Variants in NEK1 observed in about 807,000 individuals in gnomAD.
NEK1 encodes the protein NIMA related kinase 1.
In NEK1, 137 loss-of-function variants were observed where a neutral mutation model predicts 182.1. The ratio of observed to expected loss-of-function variants is 0.75; its 90% CI spans 0.65 to 0.87. The LOEUF is 0.87. Ranked by LOEUF, NEK1 falls within the 40% of genes least tolerant of loss-of-function variation. The pLI is 0.00. For synonymous variants in NEK1, 513 were observed against 492.2 expected (o/e 1.04, Z -0.56); for missense variants, 1,391 against 1,494.4 (o/e 0.93, Z 1.14).
At chr4:169,414,172 C>T (rs1448982559) in intron 31 of NEK1, among the ~76,000 whole-genome samples, 2 of 151,802 alleles carry the variant, frequency 1.3e-5, no homozygotes, top group African/African-American at 2.4e-5. Flanking sequence ...TAGCTACTTC[C>T]CAAGACAAAA....
intron 7 of NEK1, 80 bp downstream of exon 7, chr4:169,589,367 A>G (rs1232086361): frequency 1.2e-6 from 1 of 824,136 alleles, no homozygotes; most frequent in Non-Finnish European, 2.0e-6. Context: ...AAGATACCAT[A>G]AATTATCACA....
At chr4:169,561,601 T>C (rs774953322) in intron 15 of NEK1, 47 bp from the exon 16 acceptor site, 55 of 1,599,748 alleles carry the variant, frequency 3.4e-5, no homozygotes, top group Non-Finnish European at 4.5e-5. Context: ...GTATTTAATA[T>C]AAAATACACG....
At chr4:169,541,274 C>T (rs550552090) in intron 18 of NEK1, among the ~76,000 whole-genome samples, 1 of 152,048 alleles carries the variant, frequency 6.6e-6, no homozygotes, top group African/African-American at 2.4e-5. Context: ...GCAATACAGA[C>T]AGAAGGACTT....
chr4:169,433,818 T>C (rs1013381212), intron 28 of NEK1, among the ~76,000 whole-genome samples, 153 bp from the exon 29 acceptor site: 5 of 152,256 alleles, frequency 3.3e-5, no homozygotes, highest in Non-Finnish European at 7.3e-5. Context: ...GGTTTAACTC[T>C]TATTGTGAAG....
intron 18 of NEK1, among the ~76,000 whole-genome samples, chr4:169,538,768 T>G (rs749883294): frequency 1.4e-4 from 22 of 152,104 alleles, no homozygotes; most frequent in Admixed American, 1.3e-4. Context: ...AAACTTCCTA[T>G]AAAGACTTTC....
At chr4:169,600,747 A>C (rs1023509170) in intron 4 of NEK1, among the ~76,000 whole-genome samples, 1 of 152,198 alleles carries the variant, frequency 6.6e-6, no homozygotes, top group Admixed American at 6.5e-5. Context: ...AGATGTTATA[A>C]TGTATGTAGC....
At chr4:169,575,111 G>A (rs1367818796) in intron 12 of NEK1, among the ~76,000 whole-genome samples, 3 of 152,182 alleles carry the variant, frequency 2.0e-5, no homozygotes, top group African/African-American at 7.2e-5. Flanking sequence ...TCTAGGCAGT[G>A]AGGGAAAGCT....
chr4:169,510,782 G>A (rs547104539), intron 19 of NEK1, among the ~76,000 whole-genome samples: 22 of 152,132 alleles, frequency 1.4e-4, no homozygotes, highest in African/African-American at 3.6e-4. Flanking sequence ...TTCTGGCTAC[G>A]ACAACTACTT....
At chr4:169,569,689 T>C (rs895837908) in intron 12 of NEK1, among the ~76,000 whole-genome samples, 2 of 152,136 alleles carry the variant, frequency 1.3e-5, no homozygotes, top group Non-Finnish European at 2.9e-5. Flanking sequence ...AGACGGGGTT[T>C]CGCTGTGTTG....
At chr4:169,608,596 C>A (rs1771783560) in intron 2 of NEK1, among the ~76,000 whole-genome samples, 1 of 152,072 alleles carries the variant, frequency 6.6e-6, no homozygotes, top group Non-Finnish European at 1.5e-5. Context: ...TTAGCTATTA[C>A]AACGATCTCA....
intron 2 of NEK1, among the ~76,000 whole-genome samples, chr4:169,610,017 T>C (rs1394541471): frequency 1.1e-5 from 1 of 94,386 alleles, no homozygotes; most frequent in Non-Finnish European, 2.0e-5. Context: ...TAAGAATTTC[T>C]TTTTTTTTTT....
chr4:169,411,307 T>G (rs1733637532), intron 31 of NEK1, among the ~76,000 whole-genome samples: 1 of 151,274 alleles, frequency 6.6e-6, no homozygotes, highest in East Asian at 1.9e-4. Context: ...TTTTTTAGTC[T>G]CAGTGGTCAT....
At chr4:169,459,585 T>C (rs910255949) in intron 27 of NEK1, among the ~76,000 whole-genome samples, 3 of 152,226 alleles carry the variant, frequency 2.0e-5, no homozygotes, top group Admixed American at 1.3e-4. Flanking sequence ...TAGATGTTTA[T>C]ATCATCTTTA....
At chr4:169,481,388 ACCAT>A (rs1747973527) in intron 23 of NEK1, among the ~76,000 whole-genome samples, 1 of 152,256 alleles carries the variant, frequency 6.6e-6, no homozygotes, top group South Asian at 2.1e-4. Context: ...CATTAGAGGA[ACCAT>A]TATCTATGGC....
rs531711195 is a variant in NEK1 at position 169,400,515 on chromosome 4, A to C, written c.3714+6T>G. On this transcript the variant is annotated splice_donor_region_variant and intron_variant, in intron 34 of 35. Coordinates refer to ENST00000507142, the MANE Select transcript of NEK1 (RefSeq NM_001199397.3). Reference sequence around the variant, plus strand: ...TTTTAAGTGTTTTAATTGACTTTTCACTTACCTTTATTTTCTCATAAACCT... The same window carrying C: ...TTTTAAGTGTTTTAATTGACTTTTCCCTTACCTTTATTTTCTCATAAACCT... The C allele has an allele frequency of 5.6e-6, 9 of 1,594,900 alleles. No homozygotes were observed. In the East Asian group the frequency reaches 2.0e-4, roughly 36 times the overall value.
chr4:169,552,349 A>G (rs1257408720), intron 18 of NEK1, among the ~76,000 whole-genome samples: 1 of 151,766 alleles, frequency 6.6e-6, no homozygotes, highest in African/African-American at 2.4e-5. Flanking sequence ...TCACATGATC[A>G]TATCTATACA....
chr4:169,550,183 C>T (rs747509177), intron 18 of NEK1, among the ~76,000 whole-genome samples: 3 of 152,046 alleles, frequency 2.0e-5, no homozygotes, highest in African/African-American at 4.8e-5. Flanking sequence ...ATAAGTCTCA[C>T]GAGATCTGAT....
At chr4:169,545,878 G>A (rs772412331) in intron 18 of NEK1, among the ~76,000 whole-genome samples, 4 of 151,960 alleles carry the variant, frequency 2.6e-5, no homozygotes, top group Non-Finnish European at 4.4e-5. Context: ...CATGTCCTTC[G>A]CCCACTTCAA....
At chr4:169,493,402 T>A (rs1393689068) in intron 23 of NEK1, among the ~76,000 whole-genome samples, 1 of 152,228 alleles carries the variant, frequency 6.6e-6, no homozygotes, top group East Asian at 1.9e-4. Context: ...CTTTGTCATC[T>A]CCAAAGGATC....
Sources: allele counts gnomAD v4.1 joint callset (sites outside exome capture counted in the v4.1 genomes callset), GRCh38; gene constraint gnomAD v4.1.1; transcripts MANE v1.5; gene names NCBI Gene and HGNC (gene_info 2026-07-23, HGNC 2026-07-21).